The following SCRT1 variants were observed in gnomAD, a reference collection of about 807,000 sequenced individuals.
The protein encoded by SCRT1 is transcriptional repressor scratch 1.
Under a neutral mutation model 3.4 loss-of-function variants are expected in SCRT1, and 1 was observed. The observed-to-expected ratio is 0.29, with a 90% CI of 0.10 to 1.39. The LOEUF is 1.39. Among genes scored for constraint, SCRT1 ranks in the 40% most tolerant of loss-of-function variants. The pLI, the probability that SCRT1 is intolerant of heterozygous loss-of-function variation, is 0.42. For missense variants in SCRT1, 380 were observed against 526.3 expected, an observed-to-expected ratio of 0.72 and a Z score of 2.72; for synonymous variants, 238 against 247.0, an observed-to-expected ratio of 0.96 and a Z score of 0.34.
rs1817879537 is a variant in SCRT1, at chr8:144,335,782, G to C, written c.115+273C>G. 6.6e-6 allele frequency among the ~76,000 whole-genome samples: 1 copy of C among 152,206 alleles called. No individual in the cohort carries two copies. Among genetic ancestry groups the C allele is most frequent in the African/African-American group, 2.4e-5 (1 of 41,450 alleles). On this transcript the variant is annotated intron_variant, in intron 1 of 1. Coordinates refer to ENST00000569446, the MANE Select transcript of SCRT1 (RefSeq NM_031309.6). This position sits in a 1 kb window ranked among gnomAD's most constrained non-coding sequence, Gnocchi z 7.7. The stretch of plus-strand genomic sequence containing the variant: ...TGCGGCTGTGTCTGTCCCAGCATGG[G>C]TCAGGATGTGGGTCCATGTGTGCGT...
rs1300366794 is a variant in SCRT1 at position 144,333,884 on chromosome 8, G to C, written c.348C>G (p.Ala116=). The C allele has an allele frequency of 7.8e-7, 1 of 1,285,678 alleles. No homozygotes were observed. The highest frequency in any genetic ancestry group is 1.6e-5 in the African/African-American group (1 of 64,492). 79.6% of individuals were successfully genotyped at this position (1,285,678 alleles called of 1,614,324 possible). A position where few individuals can be genotyped will look rare whatever the true frequency, so the allele number is the denominator to read the frequency against. Residue 116 remains alanine, a synonymous_variant, in exon 2 of 2, where the codon GCC becomes GCG. Coordinates refer to ENST00000569446, the MANE Select transcript of SCRT1 (RefSeq NM_031309.6). ...AAVSEGYAAD[A]FFITDGRSRR... ...GCGAGCGCCCGTCGGTGATGAAGAA[G>C]GCGTCCGCCGCGTAGCCCTCGCTGA...
rs901037794 is a variant in SCRT1 at position 144,333,203 on chromosome 8, G to A, written c.1029C>T (p.Leu343=). The change falls in exon 2 of 2, where the codon CTC becomes CTT. Residue 343 remains leucine (L), a synonymous_variant. Coordinates refer to ENST00000569446, the MANE Select transcript of SCRT1 (RefSeq NM_031309.6). ...CGCCGCCCTAGGCCTGCACAGGGCT[G>A]AGCTGTGGCGGCGCAGGAGCCGCGG... The part of the protein sequence containing the change: ...GGPAAPAPPQ[L]SPVQA 3 of 1,577,606 alleles carry A rather than the reference G, an allele frequency of 1.9e-6. No homozygotes were observed. In the Admixed American group the frequency reaches 5.7e-5, roughly 30 times the overall value.
chr8:144,336,033 C>T lies in SCRT1; in HGVS notation c.115+22G>A, dbSNP rs2130575408. On this transcript the variant is annotated intron_variant, in intron 1 of 1. Transcript: ENST00000569446. The surrounding 1 kb of genome is among the most constrained non-coding windows in gnomAD (Gnocchi z 6.8). ...CCAGCAAAGCCCCAGGCCCCGCGCC[C>T]TGGTCTCAGACCAGCGCTCACCTTT... is the stretch of plus-strand genomic sequence containing the variant. 6.5e-7 allele frequency: 1 copy of T among 1,530,586 alleles called. No individual in the cohort carries two copies. The highest frequency in any genetic ancestry group is 8.8e-7 in the Non-Finnish European group (1 of 1,131,162). The allele number at this position is 1,530,586 out of a possible 1,614,324, so 94.8% of individuals were successfully genotyped here. A position where few individuals can be genotyped will look rare whatever the true frequency, so the allele number is the denominator to read the frequency against.
Position 144,333,770 on chromosome 8 carries a change from CCCGCCCCCGCCT to C in SCRT1, c.450_461del (p.Gly151_Gly154del). ...CGGATCCCAAGCTGCGCCCGCCCGC[CCCGCCCCCGCCT>C]CCGGCGTCGCCGTCGGGGGCCGCCG... On this transcript the variant is annotated inframe_deletion, in exon 2 of 2. Transcript: ENST00000569446. The C allele has an allele frequency of 8.4e-7, 1 of 1,191,048 alleles. No homozygotes were observed. Among genetic ancestry groups the C allele is most frequent in the East Asian group, 3.6e-5 (1 of 28,038 alleles). 73.8% of individuals were successfully genotyped at this position (1,191,048 alleles called of 1,614,324 possible).
rs1817829155 is a variant in SCRT1 at position 144,333,554 on chromosome 8, C to T, written c.678G>A (p.Thr226=). 2 of 1,608,590 alleles carry T rather than the reference C, an allele frequency of 1.2e-6. No individual in the cohort carries two copies. Among genetic ancestry groups the T allele is most frequent in the Non-Finnish European group, 8.5e-7 (1 of 1,178,674 alleles). ...GCATGGACACGTACACCTTGCCGCA[C>T]GTCGGGCAGCGCCGCGCCAGCTGGC... ...LDSQLARRCP[T]CGKVYVSMPA... Residue 226 remains threonine, a synonymous_variant, in exon 2 of 2, where the codon ACG becomes ACA. Coordinates refer to ENST00000569446, the MANE Select transcript of SCRT1 (RefSeq NM_031309.6).
At position 144,333,684 on chromosome 8, in the gene SCRT1, C is replaced by G. The variant is rs1379339619; in HGVS notation, c.548G>C (p.Gly183Ala). ...GTGCCGGCCGCCAGCACCTGCGGCCCCTGGCCCCGCGCGCGCCTCGGTGCC... is the reference window on the plus strand; with the variant it reads ...GTGCCGGCCGCCAGCACCTGCGGCCGCTGGCCCCGCGCGCGCCTCGGTGCC... ...GAGTEARAGPGAAGAGGRHAC... is the reference protein window; with the variant it reads ...GAGTEARAGPAAAGAGGRHAC... Residue 183 changes from glycine (G) to alanine (A), a missense_variant, in exon 2 of 2, where the codon GGG becomes GCG. This residue lies in a region of SCRT1 where 115 missense variants were observed against 107.3 expected (regional missense o/e 1.07). Coordinates refer to ENST00000569446, the MANE Select transcript of SCRT1 (RefSeq NM_031309.6). 2.1e-6 allele frequency: 3 copies of G among 1,440,242 alleles called. No individual in the cohort carries two copies. The highest frequency in any genetic ancestry group is 2.7e-6 in the Non-Finnish European group (3 of 1,105,452). 89.2% of individuals were successfully genotyped at this position (1,440,242 alleles called of 1,614,324 possible).
Position 144,333,836 on chromosome 8 carries a change from G to T in SCRT1, c.396C>A (p.Gly132=). The T allele has an allele frequency of 8.1e-7, 1 of 1,231,390 alleles. No individual in the cohort carries two copies. 76.3% of individuals were successfully genotyped at this position (1,231,390 alleles called of 1,614,324 possible). Residue 132 remains glycine (G), a synonymous_variant, in exon 2 of 2, where the codon GGC becomes GGA. Coordinates refer to ENST00000569446, the MANE Select transcript of SCRT1 (RefSeq NM_031309.6). ...GRSRRKASNA[G]AAAAPSTASA... Reference sequence around the variant, plus strand: ...AGGCTGTGGAGGGAGCGGCGGCAGCGCCGGCATTGGAAGCCTTACGCCGCG... The same window carrying T: ...AGGCTGTGGAGGGAGCGGCGGCAGCTCCGGCATTGGAAGCCTTACGCCGCG...
Position 144,330,991 on chromosome 8 carries a change from C to T in SCRT1, c.*2194G>A, listed in dbSNP as rs1396627264. Reference sequence around the variant, plus strand: ...GGGAAGCAGGAGACCCTGACGGGCCCACAGCCCTCCAGCTTTCTCCTTAGG... The same window carrying T: ...GGGAAGCAGGAGACCCTGACGGGCCTACAGCCCTCCAGCTTTCTCCTTAGG... On this transcript the variant is annotated 3_prime_UTR_variant, in exon 2 of 2. Coordinates refer to ENST00000569446, the MANE Select transcript of SCRT1 (RefSeq NM_031309.6). 6.6e-6 allele frequency: 1 copy of T among 152,546 alleles called. No homozygotes were observed. Among genetic ancestry groups the T allele is most frequent in the African/African-American group, 2.4e-5 (1 of 41,430 alleles). The allele number at this position is 152,546 out of a possible 1,614,324, so 9.4% of individuals were successfully genotyped here.
At position 144,335,350 on chromosome 8, in the gene SCRT1, A is replaced by G. The variant is rs528130478; in HGVS notation, c.115+705T>C. Among the ~76,000 whole-genome samples, 7 of 151,422 alleles carry G rather than the reference A, an allele frequency of 4.6e-5. No homozygotes were observed. In the South Asian group the frequency reaches 1.0e-3, roughly 23 times the overall value. On this transcript the variant is annotated intron_variant, in intron 1 of 1. Coordinates refer to ENST00000569446, the MANE Select transcript of SCRT1 (RefSeq NM_031309.6). The surrounding 1 kb of genome is among the most constrained non-coding windows in gnomAD (Gnocchi z 7.7). ...GTCACATGGACCCACACAGGCTCAC[A>G]CTCCTGCAGGTCACACTTGCTCTGC...
Position 144,336,250 on chromosome 8 carries a change from C to T in SCRT1, c.-81G>A. 1 of 1,060,694 alleles carries T rather than the reference C, an allele frequency of 9.4e-7. No homozygotes were observed. The highest frequency in any genetic ancestry group is 1.3e-6 in the Non-Finnish European group (1 of 742,762). The allele number at this position is 1,060,694 out of a possible 1,614,324, so 65.7% of individuals were successfully genotyped here. ...GCGGCGGCAGGGCCCCGTCACCATC[C>T]GAGGAGCGGCGGAGGCAGCGCGGGT... On this transcript the variant is annotated 5_prime_UTR_variant, in exon 1 of 2. Transcript: ENST00000569446. The surrounding 1 kb of genome is among the most constrained non-coding windows in gnomAD (Gnocchi z 6.8).
chr8:144,333,199 G>A lies in SCRT1; in HGVS notation c.1033C>T (p.Pro345Ser). 2 of 1,574,738 alleles carry A rather than the reference G, an allele frequency of 1.3e-6. No homozygotes were observed. Among genetic ancestry groups the A allele is most frequent in the Non-Finnish European group, 1.7e-6 (2 of 1,162,442 alleles). Residue 345 changes from proline (P) to serine (S), a missense_variant, in exon 2 of 2, where the codon CCT (proline) becomes TCT (serine). Transcript: ENST00000569446. ...GCCCCGCCGCCCTAGGCCTGCACAG[G>A]GCTGAGCTGTGGCGGCGCAGGAGCC... ...PAAPAPPQLS[P>S]VQA
Position 144,333,669 on chromosome 8 carries a change from C to G in SCRT1, c.563G>C (p.Gly188Ala), listed in dbSNP as rs1817834887. 6.6e-7 allele frequency: 1 copy of G among 1,519,446 alleles called. No homozygotes were observed. Among genetic ancestry groups the G allele is most frequent in the South Asian group, 1.3e-5 (1 of 79,364 alleles). 94.1% of individuals were successfully genotyped at this position (1,519,446 alleles called of 1,614,324 possible). A position where few individuals can be genotyped will look rare whatever the true frequency, so the allele number is the denominator to read the frequency against. ...ARAGPGAAGA[G>A]GRHACGECGK... ...GCACTCGCCGCACGCGTGCCGGCCG[C>G]CAGCACCTGCGGCCCCTGGCCCCGC... The change falls in exon 2 of 2, where the codon GGC (glycine) becomes GCC (alanine). Residue 188 changes from glycine to alanine, a missense_variant. Around this residue, in one of 5 missense-constraint regions of SCRT1, gnomAD observed 115 missense variants for 107.3 expected, o/e 1.07. Coordinates refer to ENST00000569446, the MANE Select transcript of SCRT1 (RefSeq NM_031309.6).
In SCRT1 at chr8:144,332,004, G is replaced by A. The variant is rs1817771445; in HGVS notation, c.*1181C>T. On this transcript the variant is annotated 3_prime_UTR_variant, in exon 2 of 2. Transcript: ENST00000569446. Reference sequence around the variant, plus strand: ...GGGTCGCCGCCGAGGCTTTGGCATAGACGGGCGAAAGTTGGCAACCGAGTG... The same window carrying A: ...GGGTCGCCGCCGAGGCTTTGGCATAAACGGGCGAAAGTTGGCAACCGAGTG... 6.6e-6 allele frequency: 1 copy of A among 151,270 alleles called. No individual in the cohort carries two copies. The highest frequency in any genetic ancestry group is 1.5e-5 in the Non-Finnish European group (1 of 67,616). 9.4% of individuals were successfully genotyped at this position (151,270 alleles called of 1,614,324 possible).
Position 144,331,747 on chromosome 8 carries a change from G to C in SCRT1, c.*1438C>G, listed in dbSNP as rs1357593250. Reference sequence around the variant, plus strand: ...GTCTGCGCGGCCGGCCCCGCGCAGCGTCCCTGATCTAGGGGCCTATGGGGT... The same window carrying C: ...GTCTGCGCGGCCGGCCCCGCGCAGCCTCCCTGATCTAGGGGCCTATGGGGT... On this transcript the variant is annotated 3_prime_UTR_variant, in exon 2 of 2. Transcript: ENST00000569446. The C allele has an allele frequency of 3.3e-5, 5 of 152,380 alleles. No individual in the cohort carries two copies. The highest frequency in any genetic ancestry group is 9.7e-5 in the African/African-American group (4 of 41,424). The allele number at this position is 152,380 out of a possible 1,614,324, so 9.4% of individuals were successfully genotyped here.
At position 144,335,881 on chromosome 8, in the gene SCRT1, C is replaced by T. The variant is rs1188054043; in HGVS notation, c.115+174G>A. On this transcript the variant is annotated intron_variant, in intron 1 of 1. Transcript: ENST00000569446. The surrounding 1 kb of genome is among the most constrained non-coding windows in gnomAD (Gnocchi z 7.7). ...GACACTCTCCCTGCCCAGCCTTGGC[C>T]TCTGTGTTCCCCTTCCTCCCCTCTA... 3.9e-5 allele frequency among the ~76,000 whole-genome samples: 6 copies of T among 152,234 alleles called. No individual in the cohort carries two copies. Among genetic ancestry groups the T allele is most frequent in the African/African-American group, 1.4e-4 (6 of 41,468 alleles).
chr8:144,336,204 G>T lies in SCRT1; in HGVS notation c.-35C>A. 1 of 1,482,236 alleles carries T rather than the reference G, an allele frequency of 6.7e-7. No homozygotes were observed. 91.8% of individuals were successfully genotyped at this position (1,482,236 alleles called of 1,614,324 possible). ...GGGGCTCCGGCGCTGTGGGCCTGCG[G>T]AGCCGGGGCTTGGGGGGGCTGCGGC... is the stretch of plus-strand genomic sequence containing the variant. On this transcript the variant is annotated 5_prime_UTR_variant, in exon 1 of 2. Transcript: ENST00000569446. This position sits in a 1 kb window ranked among gnomAD's most constrained non-coding sequence, Gnocchi z 6.8.
Position 144,333,597 on chromosome 8 carries a change from G to A in SCRT1, c.635C>T (p.Thr212Met). The A allele has an allele frequency of 6.2e-7, 1 of 1,609,970 alleles. No individual in the cohort carries two copies. Among genetic ancestry groups the A allele is most frequent in the Non-Finnish European group, 8.5e-7 (1 of 1,179,266 alleles). ...CAGCTGGCTGTCCAGGCTGCGGTGC[G>A]TCTGCTTGTGGCGGCTCAGGTTCGA... Reference protein sequence around the residue: ...TSSNLSRHKQTHRSLDSQLAR... With the variant: ...TSSNLSRHKQMHRSLDSQLAR... The change falls in exon 2 of 2, where the codon ACG (threonine) becomes ATG (methionine). Residue 212 changes from threonine to methionine, a missense_variant. By Grantham distance (81) the Thr-to-Met change is moderately conservative (BLOSUM62 -1). Transcript: ENST00000569446.
At position 144,332,401 on chromosome 8, in the gene SCRT1, T is replaced by TGG. The variant is rs1485631790; in HGVS notation, c.*782_*783dup. 1 of 62,152 alleles carries TGG rather than the reference T, an allele frequency of 1.6e-5. No homozygotes were observed. Among genetic ancestry groups the TGG allele is most frequent in the African/African-American group, 6.3e-5 (1 of 15,870 alleles). 3.9% of individuals were successfully genotyped at this position (62,152 alleles called of 1,614,324 possible). A position where few individuals can be genotyped will look rare whatever the true frequency, so the allele number is the denominator to read the frequency against. On this transcript the variant is annotated 3_prime_UTR_variant, in exon 2 of 2. Coordinates refer to ENST00000569446, the MANE Select transcript of SCRT1 (RefSeq NM_031309.6). ...AACACGAATGCCTGGGGTACGGGGG[T>TGG]GGGGGGTGGGGGCCCGGGGCAGGGC...
intron 1 of SCRT1, among the ~76,000 whole-genome samples, chr8:144,334,416 C>A (rs941208116): frequency 6.6e-6 from 1 of 151,996 alleles, no homozygotes; most frequent in Non-Finnish European, 1.5e-5. Context: ...CGGCTGCCCC[C>A]CTTCCGCGGA....
Sources: allele counts gnomAD v4.1 joint callset (sites outside exome capture counted in the v4.1 genomes callset), GRCh38; gene constraint gnomAD v4.1.1; regional missense constraint gnomAD v4.1.1; non-coding constraint Gnocchi (gnomAD v3.1); transcripts MANE v1.5; gene names NCBI Gene and HGNC (gene_info 2026-07-23, HGNC 2026-07-21).